The following ZNF407 variants were observed in gnomAD, a reference collection of about 807,000 sequenced individuals.
ZNF407 encodes zinc finger protein 407.
A neutral mutation model predicts 131.2 loss-of-function variants in ZNF407; 17 were observed. The ratio of observed to expected loss-of-function variants is 0.13; its 90% CI spans 0.09 to 0.19. The LOEUF (loss-of-function observed/expected upper bound fraction) is 0.19. ZNF407 is among the 10% of genes least tolerant of loss of function. ZNF407 has a pLI of 1.00. For missense variants in ZNF407, 2,681 were observed against 2,830.6 expected (o/e 0.95, Z 1.20); for synonymous variants, 1,156 against 1,062.0 (o/e 1.09, Z -1.72).
chr18:74,741,054 T>G (rs1968537195), intron 3 of ZNF407, among the ~76,000 whole-genome samples: 1 of 152,148 alleles, frequency 6.6e-6, no homozygotes, highest in African/African-American at 2.4e-5. Context: ...ACAGGAAGTT[T>G]GAGATTATTG....
chr18:75,037,495 T>A (rs1973322446), intron 8 of ZNF407, among the ~76,000 whole-genome samples: 2 of 151,830 alleles, frequency 1.3e-5, no homozygotes, highest in South Asian at 4.2e-4. Context: ...AGTGCTGTGC[T>A]GCGGTCTTGT....
intron 8 of ZNF407, among the ~76,000 whole-genome samples, chr18:74,966,802 GTT>G (rs151201922): frequency 0.029 from 4,422 of 152,140 alleles, 241 homozygotes; most frequent in African/African-American, 0.1. Context: ...TGTGGAATAT[GTT>G]TTCATTTTTT....
At chr18:74,813,400 C>G (rs76270342) in intron 4 of ZNF407, among the ~76,000 whole-genome samples, 1 of 152,164 alleles carries the variant, frequency 6.6e-6, no homozygotes, top group East Asian at 1.9e-4. Flanking sequence ...CAGGTCCATT[C>G]GCTCAAACGG....
intron 1 of ZNF407, among the ~76,000 whole-genome samples, chr18:74,599,305 G>C (rs1175311909): frequency 2.0e-5 from 3 of 152,154 alleles, no homozygotes; most frequent in Admixed American, 1.3e-4. Context: ...GTTGCTACTG[G>C]TGCATTTTTT....
In ZNF407 at chr18:74,631,904, A is replaced by G. The variant is rs780851065; in HGVS notation, c.885A>G (p.Thr295=). 52 of 1,613,956 alleles carry G rather than the reference A, an allele frequency of 3.2e-5. No homozygotes were observed. The highest frequency in any genetic ancestry group is 4.4e-5 in the Non-Finnish European group (52 of 1,179,896). The change falls in exon 2 of 9, where the codon ACA becomes ACG. Residue 295 remains threonine (T), a synonymous_variant. Coordinates refer to ENST00000299687, the MANE Select transcript of ZNF407 (RefSeq NM_017757.3). ...AACCTTTTCCTAAAAAATCACGTACAATGGCAACAAAAAATGTTCACTCAA... is the reference window on the plus strand; with the variant it reads ...AACCTTTTCCTAAAAAATCACGTACGATGGCAACAAAAAATGTTCACTCAA... ...TKQPFPKKSR[T]MATKNVHSKP...
At chr18:74,938,222 C>G (rs963917085) in intron 8 of ZNF407, among the ~76,000 whole-genome samples, 1 of 152,162 alleles carries the variant, frequency 6.6e-6, no homozygotes, top group African/African-American at 2.4e-5. Flanking sequence ...TGTCTTTCCA[C>G]ATATTAGGGT....
rs1269272236 is a variant in ZNF407, at chr18:74,835,629, G to GGGTGTGTGT, written c.4878-41567_4878-41566insGTGTGTGTG. 1.1e-4 allele frequency among the ~76,000 whole-genome samples: 10 copies of GGGTGTGTGT among 92,198 alleles called. No homozygotes were observed. In the South Asian group the frequency reaches 4.0e-3, roughly 37 times the overall value. 60.5% of individuals were successfully genotyped at this position (92,198 alleles called of 152,430 possible). On this transcript the variant is annotated intron_variant, in intron 4 of 8. Transcript: ENST00000299687. ...TGAGTTTGTGTCTTGGACAGAGGGG[G>GGGTGTGTGT]GTGTGTGTGTGTGTGTGTGTGTGTG...
At chr18:75,008,797 A>T (rs1435773404) in intron 8 of ZNF407, among the ~76,000 whole-genome samples, 1 of 152,190 alleles carries the variant, frequency 6.6e-6, no homozygotes, top group Non-Finnish European at 1.5e-5. Context: ...CCAAACCTTT[A>T]GTTCATTTGG....
chr18:74,853,506 C>T (rs982402400), intron 4 of ZNF407, among the ~76,000 whole-genome samples: 17 of 152,086 alleles, frequency 1.1e-4, no homozygotes, highest in African/African-American at 2.9e-4. Flanking sequence ...TTAGGCTTTA[C>T]GATTATAGAT....
At chr18:74,675,014 T>C (rs1212654311) in intron 3 of ZNF407, among the ~76,000 whole-genome samples, 1 of 152,220 alleles carries the variant, frequency 6.6e-6, no homozygotes. Flanking sequence ...TTTCTGAAGA[T>C]GTCTCAAACT....
chr18:74,920,942 A>G, intron 8 of ZNF407: 2 of 1,169,002 alleles, frequency 1.7e-6, no homozygotes, highest in Non-Finnish European at 2.1e-6. Flanking sequence ...TAAAGTTAAT[A>G]ATAGTAAATA....
chr18:74,905,834 G>T (rs1419484574), intron 7 of ZNF407: 1 of 152,176 alleles, frequency 6.6e-6, no homozygotes, highest in Non-Finnish European at 1.5e-5. Flanking sequence ...AGAGCAAGGT[G>T]ATCCAGAAAC....
chr18:74,710,079 G>A (rs1467667398), intron 3 of ZNF407, among the ~76,000 whole-genome samples: 3 of 152,040 alleles, frequency 2.0e-5, no homozygotes, highest in African/African-American at 4.8e-5. Context: ...TGTCACTTTC[G>A]ATACATTTTA....
chr18:74,658,908 AT>A (rs1428182099), intron 3 of ZNF407, among the ~76,000 whole-genome samples: 2 of 152,286 alleles, frequency 1.3e-5, no homozygotes, highest in Middle Eastern at 3.4e-3. Flanking sequence ...CTCTGAAGGA[AT>A]TTAAAACATT....
chr18:75,036,629 A>G (rs750610535), intron 8 of ZNF407, among the ~76,000 whole-genome samples: 2 of 152,238 alleles, frequency 1.3e-5, no homozygotes, highest in African/African-American at 4.8e-5. Context: ...TCTCAAAATA[A>G]CATTGATACT....
intron 3 of ZNF407, among the ~76,000 whole-genome samples, chr18:74,735,194 A>T (rs543321746): frequency 6.6e-6 from 1 of 152,274 alleles, no homozygotes; most frequent in South Asian, 2.1e-4. Flanking sequence ...TTTAATTTCA[A>T]TTGACATTTG....
intron 3 of ZNF407, among the ~76,000 whole-genome samples, chr18:74,669,869 G>T (rs1337468581): frequency 1.3e-5 from 2 of 152,214 alleles, no homozygotes; most frequent in Non-Finnish European, 2.9e-5. Flanking sequence ...GTGCAAAGTA[G>T]AATTCTCTTT....
At chr18:74,732,837 T>G (rs1365547404) in intron 3 of ZNF407, among the ~76,000 whole-genome samples, 3 of 152,188 alleles carry the variant, frequency 2.0e-5, no homozygotes, top group African/African-American at 4.8e-5. Flanking sequence ...AAAATGTGAG[T>G]GTTTACATTG....
chr18:74,741,597 A>G (rs1968551464), intron 3 of ZNF407, among the ~76,000 whole-genome samples: 1 of 152,188 alleles, frequency 6.6e-6, no homozygotes, highest in South Asian at 2.1e-4. Flanking sequence ...AATTGTAAAA[A>G]CAAAGGACAG....
Sources: allele counts gnomAD v4.1 joint callset (sites outside exome capture counted in the v4.1 genomes callset), GRCh38; gene constraint gnomAD v4.1.1; transcripts MANE v1.5; gene names NCBI Gene and HGNC (gene_info 2026-07-23, HGNC 2026-07-21).